KDM4B: variants seen among roughly 807,000 people sequenced by gnomAD.
KDM4B encodes the protein lysine demethylase 4B, also known as lysine-specific demethylase 4B.
KDM4B carries 32 observed loss-of-function variants against 125.2 expected under a neutral mutation model. The observed-to-expected ratio is 0.26, with a 90% CI of 0.19 to 0.34. The LOEUF is 0.34. KDM4B is among the 10% of genes least tolerant of loss of function. The pLI is 1.00. For synonymous variants in KDM4B, 721 were observed against 677.9 expected, an observed-to-expected ratio of 1.06 and a Z score of -0.99; for missense variants, 1,190 against 1,577.7, an observed-to-expected ratio of 0.75 and a Z score of 4.16.
chr19:4,969,755 A>G (rs545587854), intron 1 of KDM4B, among the ~76,000 whole-genome samples: 2 of 148,598 alleles, frequency 1.3e-5, no homozygotes, highest in South Asian at 4.3e-4. Context: ...ACACCCAGGG[A>G]TGCCCCCTAA....
intron 9 of KDM4B, among the ~76,000 whole-genome samples, chr19:5,106,613 G>A (rs146035152): frequency 3.9e-5 from 6 of 152,324 alleles, no homozygotes; most frequent in East Asian, 1.9e-4. Flanking sequence ...TGTCTCCTGC[G>A]TGCAGGAGCA....
At chr19:5,113,474 C>T (rs901431205) in intron 10 of KDM4B, 3 of 155,282 alleles carry the variant, frequency 1.9e-5, no homozygotes, top group African/African-American at 2.4e-5. Context: ...GCCCTCTCCA[C>T]GTGGCCTGCC....
In KDM4B at chr19:4,982,204, A is replaced by C. The variant is rs113414822; in HGVS notation, c.-109+12974A>C. ...GCTACTTGGAGGCTGAGGCAGGAGA[A>C]TCGCTTGAACCTGGGAGATGGAGGC... On this transcript the variant is annotated intron_variant, in intron 1 of 22. Coordinates refer to ENST00000159111, the MANE Select transcript of KDM4B (RefSeq NM_015015.3). 5.3e-5 allele frequency among the ~76,000 whole-genome samples: 8 copies of C among 152,130 alleles called. 2 individuals carry two copies. The highest frequency in any genetic ancestry group is 1.9e-4 in the African/African-American group (8 of 41,488).
intron 9 of KDM4B, among the ~76,000 whole-genome samples, chr19:5,088,737 G>A (rs958387861): frequency 7.1e-6 from 1 of 140,568 alleles, no homozygotes; most frequent in Admixed American, 8.1e-5. Context: ...ACATCCTCAA[G>A]AGGCAGAGGA....
At chr19:5,151,221 C>T in intron 22 of KDM4B, 114 bp from the exon 23 acceptor site, 2 of 937,204 alleles carry the variant, frequency 2.1e-6, no homozygotes, top group South Asian at 3.1e-5. Context: ...GAGCAGCCCC[C>T]ACAGCAATCA....
intron 2 of KDM4B, among the ~76,000 whole-genome samples, chr19:5,030,179 T>C (rs1298167371): frequency 6.6e-6 from 1 of 152,186 alleles, no homozygotes; most frequent in Non-Finnish European, 1.5e-5. Context: ...CAATCACAGC[T>C]CACTGAAGCC....
intron 1 of KDM4B, among the ~76,000 whole-genome samples, chr19:5,007,894 T>G (rs1030889075): frequency 3.9e-5 from 6 of 152,152 alleles, no homozygotes; most frequent in African/African-American, 1.4e-4. Context: ...ACAACTTTTC[T>G]TTTTCCACAT....
chr19:5,114,927 A>G lies in KDM4B; in HGVS notation c.1115+4109A>G, dbSNP rs1242679318. ...GACTATGTCCCGACATTTGGCTCAT[A>G]GGAATGAGCCCAGCGGCGTCCAGTT... On this transcript the variant is annotated intron_variant, in intron 10 of 22. Coordinates refer to ENST00000159111, the MANE Select transcript of KDM4B (RefSeq NM_015015.3). The surrounding 1 kb of genome is among the most constrained non-coding windows in gnomAD (Gnocchi z 5.8). Among the ~76,000 whole-genome samples, 1 of 152,260 alleles carries G rather than the reference A, an allele frequency of 6.6e-6. No homozygotes were observed. The highest frequency in any genetic ancestry group is 1.5e-5 in the Non-Finnish European group (1 of 68,052).
At chr19:5,149,103 C>T (rs1032245413) in intron 21 of KDM4B, among the ~76,000 whole-genome samples, 3 of 152,248 alleles carry the variant, frequency 2.0e-5, no homozygotes, top group Non-Finnish European at 2.9e-5. Flanking sequence ...TCTCCATCCC[C>T]ACCCATCCCT....
At chr19:5,014,840 A>G (rs2035840920) in intron 1 of KDM4B, among the ~76,000 whole-genome samples, 1 of 151,924 alleles carries the variant, frequency 6.6e-6, no homozygotes, top group African/African-American at 2.4e-5. Flanking sequence ...CTAAAAATAC[A>G]AAAAATTAGC....
intron 2 of KDM4B, among the ~76,000 whole-genome samples, chr19:5,021,313 G>A (rs2036112928): frequency 6.6e-6 from 1 of 152,138 alleles, no homozygotes; most frequent in Non-Finnish European, 1.5e-5. Context: ...ACTAGGCTGG[G>A]CATGGCAGCT....
intron 11 of KDM4B, among the ~76,000 whole-genome samples, chr19:5,123,435 C>A (rs978809775): frequency 6.6e-6 from 1 of 152,174 alleles, no homozygotes; most frequent in South Asian, 2.1e-4. Flanking sequence ...AGATTCCCCC[C>A]TTCCTAAGGA....
Position 5,135,336 on chromosome 19 carries a change from C to T in KDM4B, c.2086-3C>T, listed in dbSNP as rs2146074145. 5.6e-6 allele frequency: 9 copies of T among 1,604,860 alleles called. No homozygotes were observed. Among genetic ancestry groups the T allele is most frequent in the South Asian group, 1.1e-5 (1 of 90,920 alleles). ...TCCCCTGAAGGTCGCCTCTCCCCTA[C>T]AGGCCCTACAGACTGAGAAGGAGGC... On this transcript the variant is annotated splice_region_variant and splice_polypyrimidine_tract_variant and intron_variant, in intron 14 of 22. Transcript: ENST00000159111.
chr19:5,022,771 G>A (rs920201464), intron 2 of KDM4B, among the ~76,000 whole-genome samples: 1 of 152,062 alleles, frequency 6.6e-6, no homozygotes, highest in East Asian at 1.9e-4. Flanking sequence ...CTGAGTGAGC[G>A]CAGGCAGAGG....
intron 3 of KDM4B, among the ~76,000 whole-genome samples, chr19:5,034,907 G>A (rs1271552238): frequency 1.3e-5 from 2 of 152,182 alleles, no homozygotes; most frequent in Admixed American, 1.3e-4. Context: ...GCTCACTGCA[G>A]CCTTGACCTC....
chr19:5,129,030 C>G (rs888543394), intron 11 of KDM4B, among the ~76,000 whole-genome samples: 1 of 152,166 alleles, frequency 6.6e-6, no homozygotes, highest in Non-Finnish European at 1.5e-5. Context: ...TCAGGACTAG[C>G]AGGGGTGGGG....
At chr19:5,103,256 G>A (rs2038972048) in intron 9 of KDM4B, among the ~76,000 whole-genome samples, 1 of 152,234 alleles carries the variant, frequency 6.6e-6, no homozygotes, top group Non-Finnish European at 1.5e-5. Context: ...CGCTTGGCAC[G>A]ACGTCCTGAA....
chr19:5,143,518 G>A (rs2039782223), intron 18 of KDM4B, among the ~76,000 whole-genome samples: 1 of 152,060 alleles, frequency 6.6e-6, no homozygotes, highest in South Asian at 2.1e-4. Context: ...GTCTGGGGGT[G>A]GCCTGCCCTG....
chr19:5,005,243 A>C (rs1325857574), intron 1 of KDM4B, among the ~76,000 whole-genome samples: 2 of 152,132 alleles, frequency 1.3e-5, no homozygotes, highest in African/African-American at 2.4e-5. Context: ...TGGCACAAGT[A>C]TGGAGAACAC....
Sources: allele counts gnomAD v4.1 joint callset (sites outside exome capture counted in the v4.1 genomes callset), GRCh38; gene constraint gnomAD v4.1.1; non-coding constraint Gnocchi (gnomAD v3.1); transcripts MANE v1.5; gene names NCBI Gene and HGNC (gene_info 2026-07-23, HGNC 2026-07-21).